FAM193B: variants seen among roughly 807,000 people sequenced by gnomAD.
FAM193B encodes the protein protein FAM193B.
In FAM193B, 27 loss-of-function variants were observed where a neutral mutation model predicts 70.7. The observed-to-expected ratio is 0.38, with a 90% CI of 0.28 to 0.53. FAM193B has a LOEUF of 0.53. FAM193B is among the 20% of genes least tolerant of loss of function. FAM193B has a pLI of 0.81. For missense variants in FAM193B, 1,022 were observed against 1,072.5 expected, an observed-to-expected ratio of 0.95 and a Z score of 0.66; for synonymous variants, 448 against 436.0, an observed-to-expected ratio of 1.03 and a Z score of -0.34.
Position 177,532,776 on chromosome 5 carries a change from T to C in FAM193B, c.1077-135A>G. 2 of 739,824 alleles carry C rather than the reference T, an allele frequency of 2.7e-6. No individual in the cohort carries two copies. The highest frequency in any genetic ancestry group is 4.1e-6 in the Non-Finnish European group (2 of 482,532). 45.8% of individuals were successfully genotyped at this position (739,824 alleles called of 1,614,324 possible). ...AGAGGTCCCAGGTGGTCCAACTACATTGCACCTCTCACCTGAACAGGGCGA... is the reference window on the plus strand; with the variant it reads ...AGAGGTCCCAGGTGGTCCAACTACACTGCACCTCTCACCTGAACAGGGCGA... On this transcript the variant is annotated intron_variant, in intron 4 of 8. Coordinates refer to ENST00000514747, the MANE Select transcript of FAM193B (RefSeq NM_001190946.3). This position sits in a 1 kb window ranked among gnomAD's most constrained non-coding sequence, Gnocchi z 4.9.
chr5:177,554,487 A>G lies in FAM193B; in HGVS notation c.-29T>C, dbSNP rs1766791671. On this transcript the variant is annotated 5_prime_UTR_variant, in exon 1 of 9. Transcript: ENST00000514747. ...GCCGCTCGCGCCGCTCCCTCGCTCC[A>G]CACGCCGCCGCCGCCGCCGCCGCCG... The G allele has an allele frequency of 5.2e-6, 3 of 580,806 alleles. No homozygotes were observed. Among genetic ancestry groups the G allele is most frequent in the African/African-American group, 7.8e-5 (1 of 12,772 alleles). 36.0% of individuals were successfully genotyped at this position (580,806 alleles called of 1,614,324 possible).
intron 5 of FAM193B, among the ~76,000 whole-genome samples, chr5:177,528,214 G>A (rs367660631): frequency 1.3e-5 from 2 of 152,308 alleles, no homozygotes; most frequent in African/African-American, 4.8e-5. Context: ...ATTCTCTAGT[G>A]GACTAACACG....
intron 3 of FAM193B, 49 bp from the exon 4 acceptor site, chr5:177,536,794 G>A: frequency 6.5e-7 from 1 of 1,533,272 alleles, no homozygotes. Context: ...CCCAGACCTG[G>A]GAAGGAAAGC....
chr5:177,532,634 C>G lies in FAM193B; in HGVS notation c.1084G>C (p.Gly362Arg), dbSNP rs569180331. Residue 362 changes from glycine (G) to arginine (R), a missense_variant, in exon 5 of 9, where the codon GGG (glycine) becomes CGG (arginine). Transcript: ENST00000514747. This position sits in a 1 kb window ranked among gnomAD's most constrained non-coding sequence, Gnocchi z 4.9. ...QPLPSTHRDP[G>R]CKGHKFAHSG... ...TGTGCAAACTTGTGCCCCTTGCACC[C>G]GGGATCCCTGATGATGGGGAGGAAG... 6.5e-6 allele frequency: 10 copies of G among 1,539,668 alleles called. No individual in the cohort carries two copies. The highest frequency in any genetic ancestry group is 1.3e-5 in the South Asian group (1 of 79,816).
chr5:177,544,863 A>C (rs1442938975), intron 1 of FAM193B, among the ~76,000 whole-genome samples: 1 of 152,234 alleles, frequency 6.6e-6, no homozygotes, highest in Non-Finnish European at 1.5e-5. Context: ...TTATTTGGAA[A>C]GGCTACTGAA....
intron 5 of FAM193B, chr5:177,525,560 G>A (rs528837060): frequency 3.6e-5 from 7 of 196,412 alleles, no homozygotes; most frequent in Admixed American, 1.2e-4. Flanking sequence ...CCACCCCTAC[G>A]GGTGGTGGGG....
intron 5 of FAM193B, chr5:177,531,554 C>T (rs1457260484): frequency 8.0e-7 from 1 of 1,249,024 alleles, no homozygotes; most frequent in Non-Finnish European, 1.0e-6. Flanking sequence ...GACATTACAC[C>T]CTGGGCCTGG....
intron 6 of FAM193B, 39 bp downstream of exon 6, chr5:177,524,146 G>T: frequency 6.3e-7 from 1 of 1,592,980 alleles, no homozygotes; most frequent in African/African-American, 1.3e-5. Flanking sequence ...TGGACTGGCT[G>T]GGGTAGGGGG....
chr5:177,520,394 G>C (rs1348359155), intron 8 of FAM193B, among the ~76,000 whole-genome samples: 1 of 152,242 alleles, frequency 6.6e-6, no homozygotes, highest in Admixed American at 6.5e-5. Context: ...CCAGGATCCT[G>C]ACAAGGTGGG....
At chr5:177,540,704 G>A (rs1026739082) in intron 1 of FAM193B, among the ~76,000 whole-genome samples, 2 of 152,184 alleles carry the variant, frequency 1.3e-5, no homozygotes, top group African/African-American at 4.8e-5. Context: ...GAGCCCAGCC[G>A]AGAGCAGACT....
intron 1 of FAM193B, among the ~76,000 whole-genome samples, chr5:177,551,098 G>A (rs1233325516): frequency 6.6e-6 from 1 of 151,868 alleles, no homozygotes. Context: ...GCCTCCCAAA[G>A]TGCCGGGATT....
In FAM193B at chr5:177,536,678, G is replaced by A. The variant is rs550031385; in HGVS notation, c.756C>T (p.Thr252=). 40 of 1,558,276 alleles carry A rather than the reference G, an allele frequency of 2.6e-5. No homozygotes were observed. The highest frequency in any genetic ancestry group is 2.5e-4 in the Admixed American group (12 of 48,840). Reference sequence around the variant, plus strand: ...GAGATGCTGGCTGCGGGTGGTGGCCGGTGGGGCTGTTAGGGGGAGCAGTGA... The same window carrying A: ...GAGATGCTGGCTGCGGGTGGTGGCCAGTGGGGCTGTTAGGGGGAGCAGTGA... ...SDLTAPPNSP[T]GHHPQPASLI... Residue 252 remains threonine, a synonymous_variant, in exon 4 of 9, where the codon ACC becomes ACT. Transcript: ENST00000514747.
intron 4 of FAM193B, among the ~76,000 whole-genome samples, chr5:177,535,959 G>C (rs1764117340): frequency 6.6e-6 from 1 of 151,126 alleles, no homozygotes; most frequent in Middle Eastern, 3.4e-3. Context: ...CACCCAGGCT[G>C]GAGTGCAGTG....
chr5:177,553,624 G>A (rs1581959044), intron 1 of FAM193B: 1 of 1,236,560 alleles, frequency 8.1e-7, no homozygotes, highest in Non-Finnish European at 1.0e-6. Context: ...AGGTCGGGGT[G>A]GGCTGCCTTG....
chr5:177,536,377 G>A lies in FAM193B; in HGVS notation c.1057C>T (p.Pro353Ser). 10 of 1,609,866 alleles carry A rather than the reference G, an allele frequency of 6.2e-6. No homozygotes were observed. Among genetic ancestry groups the A allele is most frequent in the Non-Finnish European group, 7.6e-6 (9 of 1,178,852 alleles). Residue 353 changes from proline (P) to serine (S), a missense_variant, in exon 4 of 9, where the codon CCA (proline) becomes TCA (serine). Pro to Ser is a moderately conservative substitution (Grantham distance 74). Transcript: ENST00000514747. ...GPLLPPPSSQPLPSTHRDPGC... is the reference protein window; with the variant it reads ...GPLLPPPSSQSLPSTHRDPGC... ...ACTTACCTGTGAGTGCTAGGGAGTG[G>A]CTGAGAGCTCGGGGGTGGGAGGAGA...
rs372959950 is a variant in FAM193B at position 177,532,454 on chromosome 5, C to A, written c.1264G>T (p.Gly422Cys). Residue 422 changes from glycine (G) to cysteine (C), a missense_variant, in exon 5 of 9, where the codon GGC becomes TGC. Coordinates refer to ENST00000514747, the MANE Select transcript of FAM193B (RefSeq NM_001190946.3). This position sits in a 1 kb window ranked among gnomAD's most constrained non-coding sequence, Gnocchi z 4.9. ...GCAGGCTCACTCACCGCATTGTGGC[C>A]GAAGAACTCACAGTAGCAGCAGTCA... Reference protein sequence around the residue: ...FCDCCYCEFFGHNAEKEKAQL... With the variant: ...FCDCCYCEFFCHNAEKEKAQL... The A allele has an allele frequency of 1.2e-5, 20 of 1,610,600 alleles. No homozygotes were observed. Among genetic ancestry groups the A allele is most frequent in the African/African-American group, 2.7e-5 (2 of 74,888 alleles).
Position 177,538,119 on chromosome 5 carries a change from G to A in FAM193B, c.454-12C>T. ...TGTGACAAGGAGATCTGGAGAAGGG[G>A]GAGGAAAAAGGCTCACGGTCAAACA... On this transcript the variant is annotated splice_polypyrimidine_tract_variant and intron_variant, in intron 2 of 8. Coordinates refer to ENST00000514747, the MANE Select transcript of FAM193B (RefSeq NM_001190946.3). The surrounding 1 kb of genome is among the most constrained non-coding windows in gnomAD (Gnocchi z 4.1). 1 of 1,525,766 alleles carries A rather than the reference G, an allele frequency of 6.6e-7. No homozygotes were observed. Among genetic ancestry groups the A allele is most frequent in the Non-Finnish European group, 8.9e-7 (1 of 1,129,450 alleles). The allele number at this position is 1,525,766 out of a possible 1,614,324, so 94.5% of individuals were successfully genotyped here. A position where few individuals can be genotyped will look rare whatever the true frequency, so the allele number is the denominator to read the frequency against.
At position 177,523,390 on chromosome 5, in the gene FAM193B, A is replaced by G. The variant is rs545347896; in HGVS notation, c.2372+567T>C. On this transcript the variant is annotated intron_variant, in intron 7 of 8. Coordinates refer to ENST00000514747, the MANE Select transcript of FAM193B (RefSeq NM_001190946.3). Reference sequence around the variant, plus strand: ...TTTTTTCCTGAATATTTTTGATTGCAGATATGGAGGGTGACTGTATGCCGT... The same window carrying G: ...TTTTTTCCTGAATATTTTTGATTGCGGATATGGAGGGTGACTGTATGCCGT... 222 of 227,352 alleles carry G rather than the reference A, an allele frequency of 9.8e-4. 2 individuals carry two copies. Among genetic ancestry groups the G allele is most frequent in the African/African-American group, 4.7e-3 (203 of 43,404 alleles). 14.1% of individuals were successfully genotyped at this position (227,352 alleles called of 1,614,324 possible).
chr5:177,549,983 A>G (rs1207513025), intron 1 of FAM193B, among the ~76,000 whole-genome samples: 1 of 152,188 alleles, frequency 6.6e-6, no homozygotes, highest in East Asian at 1.9e-4. Flanking sequence ...GAGGTAAGTA[A>G]AGGTGTTAGG....
Sources: allele counts gnomAD v4.1 joint callset (sites outside exome capture counted in the v4.1 genomes callset), GRCh38; gene constraint gnomAD v4.1.1; non-coding constraint Gnocchi (gnomAD v3.1); transcripts MANE v1.5; gene names NCBI Gene and HGNC (gene_info 2026-07-23, HGNC 2026-07-21).